Variants in RANBP17 observed in about 807,000 individuals in gnomAD.
The protein encoded by RANBP17 is RAN binding protein 17.
Under a neutral mutation model 141.2 loss-of-function variants are expected in RANBP17, and 158 were observed. The ratio of observed to expected loss-of-function variants is 1.12; its 90% CI spans 0.98 to 1.28. RANBP17 has a LOEUF of 1.28. RANBP17 is among the 50% of genes most tolerant of loss of function. The pLI, the probability that RANBP17 is intolerant of heterozygous loss-of-function variation, is 0.00. For synonymous variants in RANBP17, 430 were observed against 450.0 expected (o/e 0.96, Z 0.56); for missense variants, 1,438 against 1,290.7 (o/e 1.11, Z -1.75).
chr5:170,965,230 C>T (rs1164844417), intron 13 of RANBP17, among the ~76,000 whole-genome samples: 1 of 131,510 alleles, frequency 7.6e-6, no homozygotes, highest in African/African-American at 2.7e-5. Context: ...CTTTTGCCCA[C>T]TTTTTGATGG....
At chr5:170,903,354 A>G (rs1452644317) in intron 5 of RANBP17, among the ~76,000 whole-genome samples, 2 of 152,196 alleles carry the variant, frequency 1.3e-5, no homozygotes, top group African/African-American at 2.4e-5. Flanking sequence ...GGAGCATCCA[A>G]GGTTGACTTC....
At chr5:171,211,510 C>T (rs1762885932) in intron 20 of RANBP17, among the ~76,000 whole-genome samples, 1 of 152,156 alleles carries the variant, frequency 6.6e-6, no homozygotes, top group Admixed American at 6.6e-5. Context: ...GATCCACCCA[C>T]CTCAGCCTCC....
intron 1 of RANBP17, among the ~76,000 whole-genome samples, chr5:170,873,066 C>T (rs924731839): frequency 2.6e-5 from 4 of 152,130 alleles, no homozygotes; most frequent in South Asian, 2.1e-4. Context: ...CACGTGAAAC[C>T]GTGCCCGGCT....
intron 14 of RANBP17, among the ~76,000 whole-genome samples, chr5:171,024,671 C>T (rs762891391): frequency 4.6e-5 from 7 of 152,088 alleles, no homozygotes; most frequent in Admixed American, 3.3e-4. Context: ...ATACCATGTT[C>T]TTTTGTTTTA....
chr5:170,918,766 A>G lies in RANBP17; in HGVS notation c.1008A>G (p.Leu336=), dbSNP rs1226985108. Reference sequence around the variant, plus strand: ...AATTTTGTCGATTTTTGGCTCGTTTAAAGACAAATTATCAGCTGGGAGAAT... The same window carrying G: ...AATTTTGTCGATTTTTGGCTCGTTTGAAGACAAATTATCAGCTGGGAGAAT... ...YHEFCRFLAR[L]KTNYQLGELV... is the part of the protein sequence containing the mutation. Residue 336 remains leucine, a synonymous_variant, in exon 10 of 28, where the codon TTA becomes TTG. Coordinates refer to ENST00000523189, the MANE Select transcript of RANBP17 (RefSeq NM_022897.5). 1.2e-6 allele frequency: 2 copies of G among 1,607,920 alleles called. No homozygotes were observed. The highest frequency in any genetic ancestry group is 2.3e-5 in the East Asian group (1 of 44,410).
intron 14 of RANBP17, among the ~76,000 whole-genome samples, chr5:171,024,288 A>G (rs1781087527): frequency 6.6e-6 from 1 of 152,172 alleles, no homozygotes; most frequent in Non-Finnish European, 1.5e-5. Flanking sequence ...TGAGGTGGTA[A>G]TATTTGACTT....
intron 16 of RANBP17, among the ~76,000 whole-genome samples, chr5:171,173,155 T>C (rs1173448739): frequency 6.6e-6 from 1 of 152,072 alleles, no homozygotes; most frequent in Non-Finnish European, 1.5e-5. Context: ...GAAATATCTT[T>C]GAATTCATTT....
intron 14 of RANBP17, among the ~76,000 whole-genome samples, chr5:171,079,718 G>A (rs1284267397): frequency 6.6e-6 from 1 of 152,138 alleles, no homozygotes; most frequent in African/African-American, 2.4e-5. Context: ...TAATTAAGGT[G>A]TATACATTAT....
chr5:170,898,759 C>T lies in RANBP17; in HGVS notation c.489+2644C>T, dbSNP rs531147625. ...ATATGGCTAGCCAGTTTTCCCAACACTATTTATTAAATAGGGAATCATTTC... is the reference window on the plus strand; with the variant it reads ...ATATGGCTAGCCAGTTTTCCCAACATTATTTATTAAATAGGGAATCATTTC... On this transcript the variant is annotated intron_variant, in intron 5 of 27. Transcript: ENST00000523189. 2.0e-5 allele frequency among the ~76,000 whole-genome samples: 3 copies of T among 152,274 alleles called. No homozygotes were observed. In the South Asian group the frequency reaches 6.2e-4, roughly 32 times the overall value.
At chr5:171,277,695 G>A (rs571753187) in intron 25 of RANBP17, among the ~76,000 whole-genome samples, 2 of 111,590 alleles carry the variant, frequency 1.8e-5, no homozygotes, top group East Asian at 5.9e-4. Context: ...TGTGAGGTAG[G>A]TATTTTATCT....
At chr5:171,291,735 A>G (rs1276122578) in intron 25 of RANBP17, among the ~76,000 whole-genome samples, 2 of 152,214 alleles carry the variant, frequency 1.3e-5, no homozygotes, top group Non-Finnish European at 2.9e-5. Flanking sequence ...AGATATTACA[A>G]AAAATAATTC....
intron 7 of RANBP17, among the ~76,000 whole-genome samples, chr5:170,913,477 G>A (rs181457101): frequency 7.0e-4 from 107 of 152,158 alleles, no homozygotes; most frequent in Middle Eastern, 3.4e-3. Context: ...AGAAAAGATG[G>A]TATGATTAAG....
intron 14 of RANBP17, among the ~76,000 whole-genome samples, chr5:171,125,890 A>G (rs1324282126): frequency 6.6e-6 from 1 of 151,606 alleles, no homozygotes. Context: ...TCCTGGGTTC[A>G]AGCAATTCTG....
chr5:170,977,419 A>G (rs968491249), intron 14 of RANBP17, among the ~76,000 whole-genome samples: 1 of 152,098 alleles, frequency 6.6e-6, no homozygotes, highest in African/African-American at 2.4e-5. Context: ...ATTGCAACCA[A>G]TTTGAAAAAC....
intron 14 of RANBP17, among the ~76,000 whole-genome samples, chr5:171,058,412 T>A (rs1290578793): frequency 6.7e-6 from 1 of 149,120 alleles, no homozygotes; most frequent in East Asian, 2.0e-4. Flanking sequence ...ACATGCGGTG[T>A]TTGGTTTTTT....
chr5:170,887,734 G>A (rs751251519), intron 3 of RANBP17, among the ~76,000 whole-genome samples: 1 of 152,094 alleles, frequency 6.6e-6, no homozygotes, highest in Non-Finnish European at 1.5e-5. Flanking sequence ...AAAAAGAAAT[G>A]TATTTCTTAC....
chr5:171,086,441 C>T (rs1420011024), intron 14 of RANBP17, among the ~76,000 whole-genome samples: 2 of 150,804 alleles, frequency 1.3e-5, no homozygotes, highest in Non-Finnish European at 3.0e-5. Flanking sequence ...GGTTGTGTCT[C>T]TGCCAGGCTT....
At chr5:171,090,061 G>A (rs1006571876) in intron 14 of RANBP17, among the ~76,000 whole-genome samples, 15 of 152,324 alleles carry the variant, frequency 9.8e-5, no homozygotes, top group Admixed American at 2.6e-4. Context: ...AAAGAGACCC[G>A]AAAATATGGA....
At chr5:171,270,106 A>G (rs146397351) in intron 25 of RANBP17, among the ~76,000 whole-genome samples, 5 of 152,338 alleles carry the variant, frequency 3.3e-5, no homozygotes, top group East Asian at 1.9e-4. Context: ...AGGTTTTCCA[A>G]CATCCTTACA....
Sources: gnomAD v4.1 joint callset for allele counts (sites outside exome capture counted in the v4.1 genomes callset) on GRCh38, gnomAD v4.1.1 for gene constraint, MANE v1.5 for transcripts, NCBI Gene and HGNC (gene_info 2026-07-23, HGNC 2026-07-21) for gene names.